Variants in ANKRD26 observed in about 807,000 individuals in gnomAD.
ANKRD26 encodes ankyrin repeat domain 26.
ANKRD26 carries 141 observed loss-of-function variants against 208.7 expected under a neutral mutation model. The observed-to-expected ratio is 0.68, with a 90% CI of 0.59 to 0.78. The LOEUF is 0.78. Ranked by LOEUF, ANKRD26 falls within the 30% of genes least tolerant of loss-of-function variation. ANKRD26 has a pLI of 0.00. For synonymous variants in ANKRD26, 636 were observed against 660.4 expected (o/e 0.96, Z 0.57); for missense variants, 1,889 against 1,938.7 (o/e 0.97, Z 0.48).
downstream of ANKRD26, among the ~76,000 whole-genome samples, chr10:27,000,471 C>T (rs940425126): frequency 2.1e-4 from 32 of 152,172 alleles, no homozygotes; most frequent in African/African-American, 7.5e-4. Flanking sequence ...AATACTGTCA[C>T]TATTACAGAT....
At chr10:27,052,974 T>G (rs2054712542) in intron 16 of ANKRD26, among the ~76,000 whole-genome samples, 1 of 152,200 alleles carries the variant, frequency 6.6e-6, no homozygotes, top group East Asian at 1.9e-4. Context: ...ATGTTCATAA[T>G]TTCTACTGCT....
At chr10:27,010,954 T>A (rs1370474052) in intron 32 of ANKRD26, among the ~76,000 whole-genome samples, 3 of 152,120 alleles carry the variant, frequency 2.0e-5, no homozygotes, top group Middle Eastern at 3.2e-3. Flanking sequence ...GCTGGATAGA[T>A]CTTATAATTT....
At chr10:26,971,978 G>A (rs773135990), downstream of ANKRD26, among the ~76,000 whole-genome samples, 3 of 152,134 alleles carry the variant, frequency 2.0e-5, no homozygotes, top group African/African-American at 4.8e-5. Context: ...GCTCACGCCT[G>A]TAATCCCAGC....
At chr10:27,052,562 C>T (rs557257682) in intron 16 of ANKRD26, among the ~76,000 whole-genome samples, 1 of 152,180 alleles carries the variant, frequency 6.6e-6, no homozygotes, top group East Asian at 1.9e-4. Context: ...TTAACTCTTA[C>T]ATTTTAATTG....
At position 27,079,119 on chromosome 10, in the gene ANKRD26, T is replaced by G; in HGVS notation, c.783A>C (p.Ser261=). ...KPGVDDSWPT[S]DDEDLNFDTK... ...TATCAAAATTGAGGTCTTCGTCATC[T>G]GAGGTAGGCCATGAATCATCAACAC... The change falls in exon 7 of 34, where the codon TCA becomes TCC. Residue 261 remains serine (S), a synonymous_variant. Transcript: ENST00000376087. 2.5e-6 allele frequency: 4 copies of G among 1,613,924 alleles called. No individual in the cohort carries two copies. The highest frequency in any genetic ancestry group is 3.4e-6 in the Non-Finnish European group (4 of 1,179,850).
intron 9 of ANKRD26, among the ~76,000 whole-genome samples, chr10:27,071,341 A>AT (rs1554790231): frequency 7.7e-4 from 99 of 127,820 alleles, no homozygotes; most frequent in Admixed American, 1.0e-3. Flanking sequence ...AATTTTTTGT[A>AT]TTTTTTTTTT....
In ANKRD26 at chr10:27,035,040, G is replaced by C; in HGVS notation, c.3410C>G (p.Ser1137Cys). ...CAACATATTCTCACTTTGTAGTTGA[G>C]ACAATCTCTCCTCTACAGACTCCTG... Reference protein sequence around the residue: ...GKQESVEERLSQLQSENMLLR... With the variant: ...GKQESVEERLCQLQSENMLLR... The change falls in exon 24 of 34, where the codon TCT becomes TGT. Residue 1137 changes from serine (S) to cysteine (C), a missense_variant. Around this residue, in one of 3 missense-constraint regions of ANKRD26, gnomAD observed 613 missense variants for 648.2 expected, o/e 0.95. Coordinates refer to ENST00000376087, the MANE Select transcript of ANKRD26 (RefSeq NM_014915.3). 6.2e-7 allele frequency: 1 copy of C among 1,613,906 alleles called. No homozygotes were observed. The highest frequency in any genetic ancestry group is 8.5e-7 in the Non-Finnish European group (1 of 1,179,914).
rs746318386 is a variant in ANKRD26, at chr10:27,013,056, C to T, written c.4779G>A (p.Gln1593=). 2 of 1,613,892 alleles carry T rather than the reference C, an allele frequency of 1.2e-6. No homozygotes were observed. The highest frequency in any genetic ancestry group is 2.2e-5 in the East Asian group (1 of 44,884). The part of the protein sequence containing the change: ...VNTKLLVEKQ[Q]SRSLFTTLTT... ...TGAGAGTGGTGAACAAAGATCTGCT[C>T]TGCTGTTTTTCCACAAGAAGTTTGG... The change falls in exon 32 of 34, where the codon CAG becomes CAA. Residue 1593 remains glutamine (Q), a synonymous_variant. Transcript: ENST00000376087.
chr10:27,088,015 G>A (rs1311639083), intron 4 of ANKRD26, among the ~76,000 whole-genome samples: 1 of 152,032 alleles, frequency 6.6e-6, no homozygotes, highest in African/African-American at 2.4e-5. Flanking sequence ...TGAACTCCTG[G>A]CCTCAAGCAA....
At chr10:27,081,359 G>A (rs888997745) in intron 6 of ANKRD26, among the ~76,000 whole-genome samples, 51 of 152,146 alleles carry the variant, frequency 3.4e-4, no homozygotes, top group Admixed American at 3.2e-3. Context: ...GCCTTCCTCT[G>A]CTAATTCCAT....
intron 17 of ANKRD26, among the ~76,000 whole-genome samples, chr10:27,048,003 A>G (rs1238676621): frequency 6.6e-6 from 1 of 152,034 alleles, no homozygotes; most frequent in African/African-American, 2.4e-5. Context: ...CGGCCTCCCA[A>G]AGTGCTGGGA....
Position 27,044,194 on chromosome 10 carries a change from A to T in ANKRD26, c.1986-4T>A. On this transcript the variant is annotated splice_region_variant and splice_polypyrimidine_tract_variant and intron_variant, in intron 18 of 33. Coordinates refer to ENST00000376087, the MANE Select transcript of ANKRD26 (RefSeq NM_014915.3). Reference sequence around the variant, plus strand: ...ATTAGATGTTTTCTTAGTAGGCCTAAAAAAAAAAAATACCTTTCAGGCAAA... The same window carrying T: ...ATTAGATGTTTTCTTAGTAGGCCTATAAAAAAAAAATACCTTTCAGGCAAA... 3.3e-6 allele frequency: 4 copies of T among 1,201,292 alleles called. No individual in the cohort carries two copies. The highest frequency in any genetic ancestry group is 4.4e-6 in the Non-Finnish European group (4 of 912,082). The allele number at this position is 1,201,292 out of a possible 1,614,324, so 74.4% of individuals were successfully genotyped here. A position where few individuals can be genotyped will look rare whatever the true frequency, so the allele number is the denominator to read the frequency against.
the ANKRD26 span, among the ~76,000 whole-genome samples, chr10:26,966,066 C>G: frequency 1.3e-5 from 2 of 152,172 alleles, no homozygotes; most frequent in Non-Finnish European, 2.9e-5. Context: ...TTGTGGAAAA[C>G]AGTATGGCGA....
At chr10:27,091,846 G>A (rs34601860) in intron 4 of ANKRD26, among the ~76,000 whole-genome samples, 19,881 of 152,068 alleles carry the variant, frequency 0.13, 1,438 homozygotes, top group East Asian at 0.29. Context: ...AATTAGTCAG[G>A]TGTGGTGGTG....
At chr10:26,962,343 G>C in the ANKRD26 span, among the ~76,000 whole-genome samples, 1 of 152,260 alleles carries the variant, frequency 6.6e-6, no homozygotes, top group South Asian at 2.1e-4. Flanking sequence ...GGGAGGCTGA[G>C]GCGGGCAGAT....
downstream of ANKRD26, among the ~76,000 whole-genome samples, chr10:27,000,552 C>T (rs2052699159): frequency 6.6e-6 from 1 of 152,028 alleles, no homozygotes; most frequent in South Asian, 2.1e-4. Flanking sequence ...ATGAATTTAG[C>T]AAGATAGCTG....
At chr10:26,959,209 C>T in the ANKRD26 span, among the ~76,000 whole-genome samples, 49,798 of 149,328 alleles carry the variant, frequency 0.33, 10,479 homozygotes, top group Non-Finnish European at 0.47. Flanking sequence ...AACCTGGAGG[C>T]GGAGGTTGCA....
At chr10:27,036,929 G>C (rs547565008) in intron 23 of ANKRD26, among the ~76,000 whole-genome samples, 2 of 152,182 alleles carry the variant, frequency 1.3e-5, no homozygotes, top group African/African-American at 4.8e-5. Flanking sequence ...TCTTACGGAA[G>C]ATATTATTAA....
intron 27 of ANKRD26, 129 bp from the exon 28 acceptor site, chr10:27,024,688 G>A: frequency 2.0e-6 from 1 of 503,258 alleles, no homozygotes; most frequent in Admixed American, 3.5e-5. Flanking sequence ...TAAACCTAAT[G>A]GCAATAAGAA....
Sources: gnomAD v4.1 joint callset for allele counts (sites outside exome capture counted in the v4.1 genomes callset) on GRCh38, gnomAD v4.1.1 for gene constraint, gnomAD v4.1.1 regional missense constraint, MANE v1.5 for transcripts, NCBI Gene and HGNC (gene_info 2026-07-23, HGNC 2026-07-21) for gene names.